NRG3: variants seen among roughly 807,000 people sequenced by gnomAD.
The protein encoded by NRG3 is neuregulin 3, also known as pro-neuregulin-3, membrane-bound isoform.
Under a neutral mutation model 66.9 loss-of-function variants are expected in NRG3, and 31 were observed. The observed-to-expected ratio is 0.46, with a 90% CI of 0.35 to 0.63. The LOEUF (loss-of-function observed/expected upper bound fraction) is 0.63, where lower values mean the gene tolerates loss of function less well. NRG3 is among the 20% of genes least tolerant of loss of function. NRG3 has a pLI of 0.00. For synonymous variants in NRG3, 393 were observed against 359.4 expected, an observed-to-expected ratio of 1.09 and a Z score of -1.06; for missense variants, 910 against 878.9, an observed-to-expected ratio of 1.04 and a Z score of -0.45.
chr10:82,675,082 CT>C (rs989402681), intron 2 of NRG3, among the ~76,000 whole-genome samples: 5 of 152,024 alleles, frequency 3.3e-5, no homozygotes, highest in African/African-American at 1.2e-4. Context: ...CCCCAACCCC[CT>C]GAGTAGCTGG....
chr10:82,788,785 T>A (rs1393791107), intron 3 of NRG3, among the ~76,000 whole-genome samples: 1 of 141,874 alleles, frequency 7.0e-6, no homozygotes, highest in Non-Finnish European at 1.5e-5. Context: ...AAAAAAAAAT[T>A]TTTTTTTTAA....
chr10:82,155,299 T>C (rs2071104018), intron 1 of NRG3, among the ~76,000 whole-genome samples: 1 of 151,800 alleles, frequency 6.6e-6, no homozygotes. Context: ...ATGACAGTCC[T>C]CATGATAGTG....
At chr10:82,265,318 A>T (rs1421092556) in intron 1 of NRG3, among the ~76,000 whole-genome samples, 1 of 152,186 alleles carries the variant, frequency 6.6e-6, no homozygotes, top group Non-Finnish European at 1.5e-5. Context: ...AAGTGTGGGG[A>T]TGTTCAACTG....
intron 4 of NRG3, among the ~76,000 whole-genome samples, chr10:82,893,583 G>A (rs1164836108): frequency 6.6e-6 from 1 of 152,082 alleles, no homozygotes; most frequent in Non-Finnish European, 1.5e-5. Context: ...AGTTACTCTC[G>A]AGGCTGAGGC....
At chr10:82,790,970 A>G (rs552996911) in intron 3 of NRG3, among the ~76,000 whole-genome samples, 1 of 151,770 alleles carries the variant, frequency 6.6e-6, no homozygotes, top group African/African-American at 2.4e-5. Flanking sequence ...TGTTTAAGGT[A>G]TTATTCTCAT....
chr10:82,349,875 T>C (rs2083311381), intron 1 of NRG3, among the ~76,000 whole-genome samples: 1 of 152,238 alleles, frequency 6.6e-6, no homozygotes, highest in Admixed American at 6.5e-5. Context: ...CGGAACTCCC[T>C]GACCCCTTGC....
At chr10:82,956,669 A>G (rs544788017) in intron 5 of NRG3, among the ~76,000 whole-genome samples, 1 of 152,090 alleles carries the variant, frequency 6.6e-6, no homozygotes, top group East Asian at 1.9e-4. Context: ...ATTTAATCCC[A>G]TGAGAGTAAT....
intron 2 of NRG3, among the ~76,000 whole-genome samples, chr10:82,648,357 G>T (rs1209790608): frequency 6.6e-6 from 1 of 151,826 alleles, no homozygotes; most frequent in African/African-American, 2.4e-5. Flanking sequence ...CTGTTCCATT[G>T]ATCTATATCT....
chr10:82,081,705 T>A (rs548350492), intron 1 of NRG3, among the ~76,000 whole-genome samples: 1 of 152,324 alleles, frequency 6.6e-6, no homozygotes, highest in South Asian at 2.1e-4. Context: ...ACCAGTTAAT[T>A]ATGTATTTAT....
chr10:82,548,595 C>T (rs1024370699), intron 2 of NRG3, among the ~76,000 whole-genome samples: 3 of 151,272 alleles, frequency 2.0e-5, no homozygotes, highest in Non-Finnish European at 2.9e-5. Flanking sequence ...AATTTAAGAA[C>T]TTGTCCAGTC....
In NRG3 at chr10:82,490,503, G is replaced by T. The variant is rs73307835; in HGVS notation, c.953+131635G>T. Among the ~76,000 whole-genome samples the T allele has an allele frequency of 4.4e-3, 667 of 152,258 alleles. 5 individuals are homozygous for T. Among genetic ancestry groups the T allele is most frequent in the African/African-American group, 0.016 (644 of 41,544 alleles). On this transcript the variant is annotated intron_variant, in intron 2 of 8. Transcript: ENST00000372141. ...TTCTCTCCAAGCTCTTCACACAGGA[G>T]CATCTTTTTTTTGATGCTCTTGTCT...
intron 2 of NRG3, among the ~76,000 whole-genome samples, chr10:82,408,069 G>C (rs1191360293): frequency 3.8e-5 from 5 of 130,850 alleles, no homozygotes; most frequent in East Asian, 2.3e-4. Flanking sequence ...GAGAGAGAGA[G>C]AGAGAGAGAG....
At chr10:82,527,822 T>A (rs1290977490) in intron 2 of NRG3, among the ~76,000 whole-genome samples, 2 of 152,056 alleles carry the variant, frequency 1.3e-5, no homozygotes, top group African/African-American at 4.8e-5. Context: ...CCTTTCTGTT[T>A]ACAAAAATGA....
intron 4 of NRG3, among the ~76,000 whole-genome samples, chr10:82,887,786 G>A (rs1258324134): frequency 6.6e-6 from 1 of 152,202 alleles, no homozygotes; most frequent in Non-Finnish European, 1.5e-5. Context: ...ACTGAACTAT[G>A]TATAAAACTG....
At chr10:82,922,213 G>T (rs1413232109) in intron 4 of NRG3, among the ~76,000 whole-genome samples, 1 of 152,010 alleles carries the variant, frequency 6.6e-6, no homozygotes, top group African/African-American at 2.4e-5. Flanking sequence ...GCACTGAACA[G>T]AACTACAATT....
intron 2 of NRG3, among the ~76,000 whole-genome samples, chr10:82,483,827 C>G (rs1227847693): frequency 6.6e-6 from 1 of 152,122 alleles, no homozygotes; most frequent in Non-Finnish European, 1.5e-5. Flanking sequence ...GATTTGCCTG[C>G]TAGTGTATGG....
At chr10:82,023,876 T>C (rs1205227790) in intron 1 of NRG3, among the ~76,000 whole-genome samples, 1 of 152,016 alleles carries the variant, frequency 6.6e-6, no homozygotes, top group Non-Finnish European at 1.5e-5. Context: ...AGAATGAGTT[T>C]GAAAGTTCCC....
intron 3 of NRG3, among the ~76,000 whole-genome samples, chr10:82,831,617 C>T (rs61860660): frequency 0.013 from 2,015 of 152,100 alleles, 25 homozygotes; most frequent in Non-Finnish European, 0.02. Context: ...GAGTTCAAAA[C>T]CAGCCTGACC....
At chr10:82,833,730 C>T (rs578092975) in intron 3 of NRG3, among the ~76,000 whole-genome samples, 18 of 152,256 alleles carry the variant, frequency 1.2e-4, no homozygotes, top group African/African-American at 3.8e-4. Context: ...TGAAGCACTA[C>T]GTGCCATGAC....
Sources: allele counts gnomAD v4.1 joint callset (sites outside exome capture counted in the v4.1 genomes callset), GRCh38; gene constraint gnomAD v4.1.1; transcripts MANE v1.5; gene names NCBI Gene and HGNC (gene_info 2026-07-23, HGNC 2026-07-21).